TRPC4: variants seen among roughly 807,000 people sequenced by gnomAD.
TRPC4 encodes short transient receptor potential channel 4.
In TRPC4, 49 loss-of-function variants were observed where a neutral mutation model predicts 99.4. The ratio of observed to expected loss-of-function variants is 0.49; its 90% confidence interval spans 0.39 to 0.63. TRPC4 has a LOEUF of 0.63. Ranked by LOEUF, TRPC4 falls within the 20% of genes least tolerant of loss-of-function variation. The pLI is 0.00. For missense variants in TRPC4, 898 were observed against 1,152.9 expected, an observed-to-expected ratio of 0.78 and a Z score of 3.20; for synonymous variants, 454 against 425.9, an observed-to-expected ratio of 1.07 and a Z score of -0.81.
At chr13:37,673,149 C>T (rs918059596) in intron 5 of TRPC4, among the ~76,000 whole-genome samples, 8 of 142,688 alleles carry the variant, frequency 5.6e-5, no homozygotes, top group African/African-American at 7.8e-5. Context: ...CCTGTGTCCA[C>T]GTGTTCTCAT....
At chr13:37,775,813 T>C (rs1359216518) in intron 2 of TRPC4, among the ~76,000 whole-genome samples, 1 of 151,764 alleles carries the variant, frequency 6.6e-6, no homozygotes, top group African/African-American at 2.4e-5. Flanking sequence ...GATTTTTTTT[T>C]TGAGAGTGGT....
intron 2 of TRPC4, among the ~76,000 whole-genome samples, chr13:37,770,346 T>C (rs1172802458): frequency 1.3e-5 from 2 of 151,476 alleles, no homozygotes; most frequent in African/African-American, 4.8e-5. Context: ...TGACATCACA[T>C]TAAAGGTGAT....
intron 3 of TRPC4, among the ~76,000 whole-genome samples, chr13:37,704,224 G>A (rs140130537): frequency 6.6e-6 from 1 of 152,308 alleles, no homozygotes; most frequent in East Asian, 1.9e-4. Flanking sequence ...AGGGTGCAAG[G>A]AAGAATTATA....
chr13:37,816,120 A>C (rs1238229070), intron 1 of TRPC4, among the ~76,000 whole-genome samples: 4 of 151,940 alleles, frequency 2.6e-5, no homozygotes, highest in Non-Finnish European at 4.4e-5. Context: ...TAAGAGAGAC[A>C]TTTACAGCAC....
At chr13:37,694,532 C>A (rs116737376) in intron 3 of TRPC4, among the ~76,000 whole-genome samples, 7 of 152,084 alleles carry the variant, frequency 4.6e-5, no homozygotes, top group African/African-American at 1.7e-4. Flanking sequence ...TGGATACACA[C>A]ATATATACTC....
intron 3 of TRPC4, among the ~76,000 whole-genome samples, chr13:37,697,443 C>T (rs1407190616): frequency 1.3e-5 from 2 of 152,192 alleles, no homozygotes; most frequent in Non-Finnish European, 2.9e-5. Context: ...GTGACAGCTT[C>T]GTAAGTGAAT....
rs1057438924 is a variant in TRPC4 at position 37,645,459 on chromosome 13, C to T, written c.2079+5806G>A. Among the ~76,000 whole-genome samples the T allele has an allele frequency of 1.1e-4, 17 of 152,258 alleles. No individual in the cohort carries two copies. In the East Asian group the frequency reaches 2.7e-3, roughly 24 times the overall value. ...CACGCTCATTTCATGTAGCTAGTCC[C>T]TGCTGTCAATTTTCAATGCCGTTTT... On this transcript the variant is annotated intron_variant, in intron 8 of 10. Coordinates refer to ENST00000379705, the MANE Select transcript of TRPC4 (RefSeq NM_016179.4).
At chr13:37,767,667 T>C (rs1219863918) in intron 2 of TRPC4, among the ~76,000 whole-genome samples, 1 of 151,374 alleles carries the variant, frequency 6.6e-6, no homozygotes, top group African/African-American at 2.4e-5. Flanking sequence ...ATCAGAATTG[T>C]TACCTTAACT....
intron 3 of TRPC4, among the ~76,000 whole-genome samples, chr13:37,742,289 T>A (rs1404782038): frequency 1.3e-5 from 2 of 152,146 alleles, no homozygotes; most frequent in Non-Finnish European, 2.9e-5. Context: ...TGTTTTAATA[T>A]GTTGATTCAT....
chr13:37,678,279 A>G (rs1227636577), intron 4 of TRPC4, among the ~76,000 whole-genome samples: 2 of 152,100 alleles, frequency 1.3e-5, no homozygotes, highest in Non-Finnish European at 2.9e-5. Flanking sequence ...AACAAAAATC[A>G]ATAAAATCTG....
chr13:37,830,021 C>T (rs1267278116), intron 1 of TRPC4, among the ~76,000 whole-genome samples: 1 of 152,068 alleles, frequency 6.6e-6, no homozygotes, highest in African/African-American at 2.4e-5. Flanking sequence ...GGAGTGACTG[C>T]TAATGACTAT....
chr13:37,792,755 G>C (rs1405392963), intron 1 of TRPC4, among the ~76,000 whole-genome samples: 2 of 138,504 alleles, frequency 1.4e-5, no homozygotes, highest in African/African-American at 5.4e-5. Context: ...GTGTGTGTGT[G>C]TGTGTACGTG....
chr13:37,651,467 G>C lies in TRPC4; in HGVS notation c.1885-8C>G. 6.2e-7 allele frequency: 1 copy of C among 1,612,634 alleles called. No homozygotes were observed. The highest frequency in any genetic ancestry group is 8.5e-7 in the Non-Finnish European group (1 of 1,178,954). On this transcript the variant is annotated splice_region_variant and splice_polypyrimidine_tract_variant and intron_variant, in intron 7 of 10. Coordinates refer to ENST00000379705, the MANE Select transcript of TRPC4 (RefSeq NM_016179.4). ...TTCTATATCTGCATGGTCCTGAACA[G>C]GAGAACATGACAACTGATGATAGGT...
At chr13:37,687,388 A>C (rs1434253072) in intron 4 of TRPC4, among the ~76,000 whole-genome samples, 3 of 152,160 alleles carry the variant, frequency 2.0e-5, no homozygotes, top group Non-Finnish European at 4.4e-5. Flanking sequence ...GGGATAATTT[A>C]TAGCAAAATT....
chr13:37,836,193 T>C (rs1593289864), intron 1 of TRPC4, among the ~76,000 whole-genome samples: 1 of 152,202 alleles, frequency 6.6e-6, no homozygotes, highest in South Asian at 2.1e-4. Flanking sequence ...TGTAAGTCCA[T>C]TAAACCTCTT....
intron 3 of TRPC4, among the ~76,000 whole-genome samples, chr13:37,740,196 T>G (rs1444365205): frequency 3.9e-5 from 6 of 152,146 alleles, no homozygotes; most frequent in African/African-American, 1.4e-4. Context: ...CCTTGAGGGT[T>G]AGTAATTTCA....
chr13:37,823,715 A>T (rs1363339716), intron 1 of TRPC4, among the ~76,000 whole-genome samples: 1 of 148,702 alleles, frequency 6.7e-6, no homozygotes, highest in African/African-American at 2.5e-5. Flanking sequence ...TGATGCCTCC[A>T]GCTTTGTTCT....
chr13:37,672,095 C>T (rs1254508118), intron 5 of TRPC4, among the ~76,000 whole-genome samples: 1 of 152,076 alleles, frequency 6.6e-6, no homozygotes, highest in African/African-American at 2.4e-5. Flanking sequence ...ATAGATTTTG[C>T]CAGTGTAGAA....
chr13:37,817,652 G>T (rs1485240546), intron 1 of TRPC4, among the ~76,000 whole-genome samples: 2 of 151,912 alleles, frequency 1.3e-5, no homozygotes, highest in African/African-American at 4.8e-5. Context: ...CAGGGTTACG[G>T]TAATCAAAAC....
Sources: allele counts gnomAD v4.1 joint callset (sites outside exome capture counted in the v4.1 genomes callset), GRCh38; gene constraint gnomAD v4.1.1; transcripts MANE v1.5; gene names NCBI Gene and HGNC (gene_info 2026-07-23, HGNC 2026-07-21).